CSGALNACT1: variants seen among roughly 807,000 people sequenced by gnomAD.
The protein encoded by CSGALNACT1 is chondroitin sulfate N-acetylgalactosaminyltransferase 1.
CSGALNACT1 carries 52 observed loss-of-function variants against 51.0 expected under a neutral mutation model. The observed-to-expected ratio is 1.02, with a 90% CI of 0.82 to 1.29. CSGALNACT1 has a LOEUF of 1.29. CSGALNACT1 is among the 50% of genes most tolerant of loss of function. The pLI is 0.00. For missense variants in CSGALNACT1, 935 were observed against 679.2 expected (o/e 1.38, Z -4.19); for synonymous variants, 341 against 254.4 (o/e 1.34, Z -3.24).
rs78712867 is a variant in CSGALNACT1 at position 19,475,746 on chromosome 8, A to G, written c.635-17104T>C. On this transcript the variant is annotated intron_variant, in intron 4 of 9. Transcript: ENST00000454498. Reference sequence around the variant, plus strand: ...CACAGAATAATCTGCTCAGAACGCCAAACTATGTTTTGGTCACGCTAAACT... The same window carrying G: ...CACAGAATAATCTGCTCAGAACGCCGAACTATGTTTTGGTCACGCTAAACT... Among the ~76,000 whole-genome samples the G allele has an allele frequency of 8.6e-3, 1,315 of 152,352 alleles. 20 individuals carry two copies. Among genetic ancestry groups the G allele is most frequent in the African/African-American group, 0.03 (1,249 of 41,578 alleles).
chr8:19,690,930 T>TAAA (rs2061276464), intron 1 of CSGALNACT1, among the ~76,000 whole-genome samples: 1 of 152,072 alleles, frequency 6.6e-6, no homozygotes, highest in East Asian at 1.9e-4. Context: ...ATTGCCTTAT[T>TAAA]AAAAATCTCC....
At chr8:19,707,869 C>T (rs545504240) in intron 1 of CSGALNACT1, among the ~76,000 whole-genome samples, 4 of 152,062 alleles carry the variant, frequency 2.6e-5, no homozygotes, top group East Asian at 1.9e-4. Context: ...GGCGTGATGG[C>T]GCATGCCTGT....
At chr8:19,620,573 C>T (rs1385339661) in intron 1 of CSGALNACT1, among the ~76,000 whole-genome samples, 2 of 151,896 alleles carry the variant, frequency 1.3e-5, no homozygotes, top group Non-Finnish European at 2.9e-5. Context: ...GCTGGGACTA[C>T]AGCATCCACC....
At chr8:19,416,616 G>A (rs2056932859) in intron 8 of CSGALNACT1, among the ~76,000 whole-genome samples, 1 of 151,986 alleles carries the variant, frequency 6.6e-6, no homozygotes, top group Admixed American at 6.6e-5. Flanking sequence ...TTTTTCCTGT[G>A]CCATTTCTAT....
chr8:19,649,359 A>G (rs1225885397), intron 1 of CSGALNACT1, among the ~76,000 whole-genome samples: 2 of 152,176 alleles, frequency 1.3e-5, no homozygotes, highest in Admixed American at 1.3e-4. Flanking sequence ...TGGAAACCAG[A>G]AGATTTATTC....
chr8:19,416,853 G>A (rs1241693330), intron 8 of CSGALNACT1, among the ~76,000 whole-genome samples: 1 of 143,702 alleles, frequency 7.0e-6, no homozygotes, highest in Non-Finnish European at 1.5e-5. Flanking sequence ...CATGACTATA[G>A]ATGAAAACTC....
At chr8:19,501,953 C>T (rs562610405) in intron 4 of CSGALNACT1, among the ~76,000 whole-genome samples, 4 of 152,236 alleles carry the variant, frequency 2.6e-5, no homozygotes, top group African/African-American at 9.6e-5. Flanking sequence ...AAAATCAGTG[C>T]CAATGGAACA....
At chr8:19,467,169 G>C (rs1262602694) in intron 4 of CSGALNACT1, among the ~76,000 whole-genome samples, 2 of 141,720 alleles carry the variant, frequency 1.4e-5, no homozygotes, top group Admixed American at 7.3e-5. Flanking sequence ...ACCCAGGCTG[G>C]AGTGCAGTGG....
At chr8:19,640,594 A>T (rs1188487889) in intron 1 of CSGALNACT1, among the ~76,000 whole-genome samples, 2 of 152,228 alleles carry the variant, frequency 1.3e-5, no homozygotes, top group Admixed American at 6.5e-5. Context: ...AACAACATTA[A>T]TTCTAAGCAG....
chr8:19,592,904 G>T (rs927061625), intron 2 of CSGALNACT1, among the ~76,000 whole-genome samples: 1 of 152,188 alleles, frequency 6.6e-6, no homozygotes, highest in Non-Finnish European at 1.5e-5. Context: ...CCCCACTACA[G>T]TGGTTCAAAT....
chr8:19,482,091 T>C (rs565662220), intron 4 of CSGALNACT1, among the ~76,000 whole-genome samples: 2 of 152,104 alleles, frequency 1.3e-5, no homozygotes, highest in Non-Finnish European at 2.9e-5. Flanking sequence ...CTCCTGAGTA[T>C]ACACACTAGA....
chr8:19,620,685 T>C (rs912944996), intron 1 of CSGALNACT1, among the ~76,000 whole-genome samples: 2 of 152,178 alleles, frequency 1.3e-5, no homozygotes, highest in African/African-American at 2.4e-5. Flanking sequence ...CCTCCCACCT[T>C]GGCCTCCCAA....
upstream of CSGALNACT1, among the ~76,000 whole-genome samples, chr8:19,686,395 T>C (rs2060979513): frequency 6.6e-6 from 1 of 152,212 alleles, no homozygotes; most frequent in Admixed American, 6.5e-5. Flanking sequence ...CCACCAGGTC[T>C]CAGGAGCTAC....
At chr8:19,690,408 A>C (rs4921667) in intron 1 of CSGALNACT1, among the ~76,000 whole-genome samples, 2 of 151,882 alleles carry the variant, frequency 1.3e-5, no homozygotes, top group African/African-American at 2.4e-5. Flanking sequence ...GGGCCTTAAC[A>C]TTCTGTTTCT....
Position 19,414,317 on chromosome 8 carries a change from C to T in CSGALNACT1, c.1227+4339G>A, listed in dbSNP as rs189780142. Among the ~76,000 whole-genome samples the T allele has an allele frequency of 7.9e-5, 12 of 151,816 alleles. No homozygotes were observed. The East Asian group carries it at 1.4e-3, about 17-fold the overall frequency. On this transcript the variant is annotated intron_variant, in intron 8 of 9. Coordinates refer to ENST00000454498, the Ensembl canonical transcript of CSGALNACT1. ...CCGGAGTCTAGGGGAGGGAAGGAGGCTTAAGATAGAAGTGGTAGGAGGCTC... is the reference window on the plus strand; with the variant it reads ...CCGGAGTCTAGGGGAGGGAAGGAGGTTTAAGATAGAAGTGGTAGGAGGCTC...
chr8:19,729,792 C>G (rs1396230843), intron 1 of CSGALNACT1, among the ~76,000 whole-genome samples: 1 of 151,958 alleles, frequency 6.6e-6, no homozygotes, highest in Non-Finnish European at 1.5e-5. Flanking sequence ...TCCCATATGA[C>G]CTTGAGCCTG....
At chr8:19,494,251 C>G (rs1210137368) in intron 4 of CSGALNACT1, among the ~76,000 whole-genome samples, 1 of 152,138 alleles carries the variant, frequency 6.6e-6, no homozygotes, top group African/African-American at 2.4e-5. Context: ...CTTGTGCATA[C>G]CTCCATGTTT....
upstream of CSGALNACT1, among the ~76,000 whole-genome samples, chr8:19,687,498 T>C (rs1763704111): frequency 6.6e-6 from 1 of 152,172 alleles, no homozygotes; most frequent in Admixed American, 6.5e-5. Flanking sequence ...AAAAATGAAA[T>C]TAACTAAAAT....
chr8:19,544,339 T>C lies in CSGALNACT1; in HGVS notation c.-296-38209A>G, dbSNP rs11986774. The stretch of plus-strand genomic sequence containing the variant: ...AACTAATCTCTACTATTTAAAAATA[T>C]CTATGTAGTTTAAAAGACATTGGGA... On this transcript the variant is annotated intron_variant, in intron 3 of 9. Coordinates refer to ENST00000454498, the Ensembl canonical transcript of CSGALNACT1. Among the ~76,000 whole-genome samples, 1,290 of 152,312 alleles carry C rather than the reference T, an allele frequency of 8.5e-3. 16 individuals carry two copies. Among genetic ancestry groups the C allele is most frequent in the African/African-American group, 0.029 (1,203 of 41,558 alleles).
Sources: gnomAD v4.1 joint callset for allele counts (sites outside exome capture counted in the v4.1 genomes callset) on GRCh38, gnomAD v4.1.1 for gene constraint, MANE v1.5 for transcripts, NCBI Gene and HGNC (gene_info 2026-07-23, HGNC 2026-07-21) for gene names.